Variants in EIF2B5 observed in about 807,000 individuals in gnomAD.
EIF2B5 encodes eukaryotic translation initiation factor 2B subunit epsilon.
Under a neutral mutation model 87.3 loss-of-function variants are expected in EIF2B5, and 38 were observed. The ratio of observed to expected loss-of-function variants is 0.44; its 90% CI spans 0.34 to 0.57. The LOEUF (loss-of-function observed/expected upper bound fraction) is 0.57, where lower values mean the gene tolerates loss of function less well. EIF2B5 is among the 20% of genes least tolerant of loss of function. The probability of loss-of-function intolerance (pLI) is 0.02; values close to 1 mark genes in which losing one functional copy is unlikely to be tolerated. For missense variants in EIF2B5, 784 were observed against 909.5 expected, an observed-to-expected ratio of 0.86 and a Z score of 1.78; for synonymous variants, 313 against 339.6, an observed-to-expected ratio of 0.92 and a Z score of 0.86.
At position 184,140,868 on chromosome 3, in the gene EIF2B5, A is replaced by G. The variant is rs752944273; in HGVS notation, c.1156+138A>G. ...AACTATAGAGCGGCTACCTCAGGAA[A>G]GGAGGAAACAGGGATTTGAAAACAG... On this transcript the variant is annotated intron_variant, in intron 7 of 15. Coordinates refer to ENST00000648915, the MANE Select transcript of EIF2B5 (RefSeq NM_003907.3). The G allele has an allele frequency of 2.8e-4, 269 of 953,642 alleles. 1 individual carries two copies. The highest frequency in any genetic ancestry group is 4.1e-4 in the Non-Finnish European group (257 of 623,874). 59.1% of individuals were successfully genotyped at this position (953,642 alleles called of 1,614,324 possible). A position where few individuals can be genotyped will look rare whatever the true frequency, so the allele number is the denominator to read the frequency against.
chr3:184,142,967 A>G lies in EIF2B5; in HGVS notation c.1654+81A>G, dbSNP rs1713708633. On this transcript the variant is annotated intron_variant, in intron 11 of 15. Coordinates refer to ENST00000648915, the MANE Select transcript of EIF2B5 (RefSeq NM_003907.3). This position sits in a 1 kb window ranked among gnomAD's most constrained non-coding sequence, Gnocchi z 5.0. ...AGCCAGAGGCTTACGTTCCTCAGAA[A>G]GGGTTTGGTATCGAGTCAAGACTAG... is the stretch of plus-strand genomic sequence containing the variant. 3.2e-6 allele frequency: 5 copies of G among 1,572,450 alleles called. No individual in the cohort carries two copies. The East Asian group carries it at 6.7e-5, about 21-fold the overall frequency.
In EIF2B5 at chr3:184,138,078, G is replaced by T; in HGVS notation, c.684+3G>T. On this transcript the variant is annotated splice_donor_region_variant and intron_variant, in intron 4 of 15. Transcript: ENST00000648915. The stretch of plus-strand genomic sequence containing the variant: ...TCCGGCGTTTTGCATTTCCTCTGGT[G>T]TGTGGATATCTGGGGTCCTTTGAGA... The T allele has an allele frequency of 6.2e-7, 1 of 1,614,186 alleles. No homozygotes were observed.
At position 184,145,301 on chromosome 3, in the gene EIF2B5, AG is replaced by A; in HGVS notation, c.*359del. On this transcript the variant is annotated 3_prime_UTR_variant, in exon 16 of 16. Transcript: ENST00000648915. This position sits in a 1 kb window ranked among gnomAD's most constrained non-coding sequence, Gnocchi z 4.0. ...CTTGTATATGTTAATATTAAAAGAG[AG>A]AGTGGTGTATTTGGTTTGTCTCCAT... 2.7e-6 allele frequency: 1 copy of A among 374,868 alleles called. No individual in the cohort carries two copies. The highest frequency in any genetic ancestry group is 5.1e-6 in the Non-Finnish European group (1 of 194,950). 23.2% of individuals were successfully genotyped at this position (374,868 alleles called of 1,614,324 possible).
In EIF2B5 at chr3:184,141,905, G is replaced by A. The variant is rs183927308; in HGVS notation, c.1157-20G>A. On this transcript the variant is annotated intron_variant, in intron 7 of 15. Coordinates refer to ENST00000648915, the MANE Select transcript of EIF2B5 (RefSeq NM_003907.3). ...GGTTGGAACCCTGAGTTACCCAGAG[G>A]TCTTCCCATCCTGAGCCAGGTGATA... The A allele has an allele frequency of 2.6e-5, 42 of 1,613,912 alleles. No homozygotes were observed. The African/African-American group carries it at 5.5e-4, about 21-fold the overall frequency.
Position 184,144,209 on chromosome 3 carries a change from T to G in EIF2B5, c.1980T>G (p.Gly660=). Residue 660 remains glycine, a synonymous_variant, in exon 14 of 16, where the codon GGT becomes GGG. Coordinates refer to ENST00000648915, the MANE Select transcript of EIF2B5 (RefSeq NM_003907.3). The part of the protein sequence containing the change: ...EDFFLEHEAL[G]ISMAKVLMAF... ...TCTTCCTAGAGCATGAAGCTCTTGG[T>G]ATTTCCATGGCCAAGGTGAATATGA... 1 of 1,614,144 alleles carries G rather than the reference T, an allele frequency of 6.2e-7. No individual in the cohort carries two copies. The highest frequency in any genetic ancestry group is 2.2e-5 in the East Asian group (1 of 44,886).
At position 184,145,058 on chromosome 3, in the gene EIF2B5, A is replaced by G. The variant is rs984357460; in HGVS notation, c.*115A>G. 21 of 945,640 alleles carry G rather than the reference A, an allele frequency of 2.2e-5. No homozygotes were observed. The highest frequency in any genetic ancestry group is 3.5e-5 in the Non-Finnish European group (21 of 595,256). The allele number at this position is 945,640 out of a possible 1,614,324, so 58.6% of individuals were successfully genotyped here. A position where few individuals can be genotyped will look rare whatever the true frequency, so the allele number is the denominator to read the frequency against. On this transcript the variant is annotated 3_prime_UTR_variant, in exon 16 of 16. Coordinates refer to ENST00000648915, the MANE Select transcript of EIF2B5 (RefSeq NM_003907.3). This position sits in a 1 kb window ranked among gnomAD's most constrained non-coding sequence, Gnocchi z 4.0. ...TGACCACCATCCAGGCTGAGACTGAAAGGAGCAGAGGCTGGAACTACAGTA... is the reference window on the plus strand; with the variant it reads ...TGACCACCATCCAGGCTGAGACTGAGAGGAGCAGAGGCTGGAACTACAGTA...
At chr3:184,138,938 A>T in intron 5 of EIF2B5, 1 of 268,810 alleles carries the variant, frequency 3.7e-6, no homozygotes, top group Non-Finnish European at 7.4e-6. Context: ...CTGGGATTAC[A>T]GGCATGAGCC....
intron 1 of EIF2B5, among the ~76,000 whole-genome samples, chr3:184,136,183 T>G (rs1395216318): frequency 6.6e-6 from 1 of 152,028 alleles, no homozygotes; most frequent in Non-Finnish European, 1.5e-5. Flanking sequence ...CCTCTCTAAT[T>G]CCCTCGAAAA....
Position 184,139,784 on chromosome 3 carries a change from G to A in EIF2B5, c.766-296G>A, listed in dbSNP as rs891247743. Among the ~76,000 whole-genome samples the A allele has an allele frequency of 4.0e-5, 6 of 151,564 alleles. No individual in the cohort carries two copies. In the South Asian group the frequency reaches 6.3e-4, roughly 16 times the overall value. ...TGTAATCCCAGCACTTTGGGAGGCC[G>A]AGGTGAGTGGATCATGAGGTCAGGA... On this transcript the variant is annotated intron_variant, in intron 5 of 15. Transcript: ENST00000648915.
chr3:184,138,945 A>G, intron 5 of EIF2B5: 1 of 261,864 alleles, frequency 3.8e-6, no homozygotes, highest in Non-Finnish European at 7.7e-6. Context: ...TACAGGCATG[A>G]GCCACCAGTT....
chr3:184,136,082 C>T, intron 1 of EIF2B5: 1 of 220,034 alleles, frequency 4.5e-6, no homozygotes, highest in Non-Finnish European at 9.2e-6. Flanking sequence ...CCATCAGCCC[C>T]CGAGTTGTCT....
intron 13 of EIF2B5, 43 bp from the exon 14 acceptor site, chr3:184,144,056 G>A (rs1389418359): frequency 6.2e-7 from 1 of 1,614,064 alleles, no homozygotes; most frequent in South Asian, 1.1e-5. Flanking sequence ...AGGTATAGGT[G>A]AATGCTTAGG....
Position 184,145,014 on chromosome 3 carries a change from C to A in EIF2B5, c.*71C>A. ...CTCCTGGGCTGGGACAAGTGAGGAA[C>A]TAGCTGCAGAGGGATGAGTGACCAC... On this transcript the variant is annotated 3_prime_UTR_variant, in exon 16 of 16. Coordinates refer to ENST00000648915, the MANE Select transcript of EIF2B5 (RefSeq NM_003907.3). This position sits in a 1 kb window ranked among gnomAD's most constrained non-coding sequence, Gnocchi z 4.0. The A allele has an allele frequency of 8.4e-6, 12 of 1,435,032 alleles. 1 individual carries two copies. The South Asian group carries it at 1.4e-4, about 17-fold the overall frequency. 88.9% of individuals were successfully genotyped at this position (1,435,032 alleles called of 1,614,324 possible).
chr3:184,143,671 C>G (rs1167437496), intron 13 of EIF2B5, 106 bp downstream of exon 13: 1 of 1,558,280 alleles, frequency 6.4e-7, no homozygotes, highest in South Asian at 1.1e-5. Flanking sequence ...GTTCCTTTTT[C>G]CTTGCCTCTG....
chr3:184,144,664 G>A lies in EIF2B5; in HGVS notation c.2063G>A (p.Arg688Lys). ...ACAATTCTGAGCTGGTTCAGCCAAAGAGATACAACTGACAAGGGCCAGCAG... is the reference window on the plus strand; with the variant it reads ...ACAATTCTGAGCTGGTTCAGCCAAAAAGATACAACTGACAAGGGCCAGCAG... ...EETILSWFSQ[R>K]DTTDKGQQLR... The change falls in exon 15 of 16, where the codon AGA becomes AAA. Residue 688 changes from arginine (R) to lysine (K), a missense_variant. Arg to Lys is a conservative substitution (Grantham distance 26). Coordinates refer to ENST00000648915, the MANE Select transcript of EIF2B5 (RefSeq NM_003907.3). 6.2e-7 allele frequency: 1 copy of A among 1,614,162 alleles called. No homozygotes were observed. Among genetic ancestry groups the A allele is most frequent in the Non-Finnish European group, 8.5e-7 (1 of 1,180,022 alleles).
In EIF2B5 at chr3:184,137,651, A is replaced by G; in HGVS notation, c.352A>G (p.Asn118Asp). The change falls in exon 3 of 16, where the codon AAT (asparagine) becomes GAT (aspartate). Residue 118 changes from asparagine to aspartate, a missense_variant. By Grantham distance (23) the Asn-to-Asp change is conservative. Coordinates refer to ENST00000648915, the MANE Select transcript of EIF2B5 (RefSeq NM_003907.3). ...AAAGTGGTGCCGCCCTACATCTCTC[A>G]ATGTGGTTCGAATAATTACATCAGA... ...KSKWCRPTSL[N>D]VVRIITSELY... 1.9e-6 allele frequency: 3 copies of G among 1,614,110 alleles called. No homozygotes were observed. The highest frequency in any genetic ancestry group is 2.5e-6 in the Non-Finnish European group (3 of 1,180,044).
intron 13 of EIF2B5, 47 bp from the exon 14 acceptor site, chr3:184,144,052 A>G: frequency 6.2e-7 from 1 of 1,613,966 alleles, no homozygotes; most frequent in Middle Eastern, 1.7e-4. Flanking sequence ...GTCCAGGTAT[A>G]GGTGAATGCT....
At position 184,140,443 on chromosome 3, in the gene EIF2B5, A is replaced by C; in HGVS notation, c.869A>C (p.His290Pro). ...ATCCTAGGGAACCAGATCCACATGC[A>C]CGTAACAGCTAAGGAATATGGTGCC... ...EEILGNQIHM[H>P]VTAKEYGARV... is the part of the protein sequence containing the mutation. Residue 290 changes from histidine to proline, a missense_variant, in exon 7 of 16, where the codon CAC becomes CCC. This residue lies in a region of EIF2B5 where 660 missense variants were observed against 789.5 expected (regional missense o/e 0.84). Transcript: ENST00000648915. The C allele has an allele frequency of 6.2e-7, 1 of 1,614,060 alleles. No homozygotes were observed. Among genetic ancestry groups the C allele is most frequent in the South Asian group, 1.1e-5 (1 of 91,072 alleles).
Position 184,145,120 on chromosome 3 carries a change from T to C in EIF2B5, c.*177T>C, listed in dbSNP as rs1713811928. 4.4e-6 allele frequency: 3 copies of C among 681,312 alleles called. No homozygotes were observed. The highest frequency in any genetic ancestry group is 2.7e-5 in the East Asian group (1 of 36,434). 42.2% of individuals were successfully genotyped at this position (681,312 alleles called of 1,614,324 possible). On this transcript the variant is annotated 3_prime_UTR_variant, in exon 16 of 16. Coordinates refer to ENST00000648915, the MANE Select transcript of EIF2B5 (RefSeq NM_003907.3). The surrounding 1 kb of genome is among the most constrained non-coding windows in gnomAD (Gnocchi z 4.0). The stretch of plus-strand genomic sequence containing the variant: ...GCTAGCAACCATGTGCCTCCCATCC[T>C]GACTGTGGAGTTGGGATGTGGAAGT...
Sources: gnomAD v4.1 joint callset for allele counts (sites outside exome capture counted in the v4.1 genomes callset) on GRCh38, gnomAD v4.1.1 for gene constraint, gnomAD v4.1.1 regional missense constraint, Gnocchi (gnomAD v3.1) non-coding constraint, MANE v1.5 for transcripts, NCBI Gene and HGNC (gene_info 2026-07-23, HGNC 2026-07-21) for gene names.